The following ATF7 variants were observed in gnomAD, a reference collection of about 807,000 sequenced individuals.
ATF7 encodes activating transcription factor 7, also known as cyclic AMP-dependent transcription factor ATF-7.
Under a neutral mutation model 50.4 loss-of-function variants are expected in ATF7, and 10 were observed. The ratio of observed to expected loss-of-function variants is 0.20; its 90% CI spans 0.12 to 0.34. ATF7 has a LOEUF of 0.34. Ranked by LOEUF, ATF7 falls within the 10% of genes least tolerant of loss-of-function variation. ATF7 has a pLI of 1.00. For synonymous variants in ATF7, 201 were observed against 226.4 expected (o/e 0.89, Z 1.01); for missense variants, 465 against 613.9 (o/e 0.76, Z 2.56).
At chr12:53,520,448 C>A (rs1938050729) in intron 11 of ATF7, among the ~76,000 whole-genome samples, 1 of 152,102 alleles carries the variant, frequency 6.6e-6, no homozygotes, top group Non-Finnish European at 1.5e-5. Flanking sequence ...CATGGTGGTG[C>A]ACGCCTGTGG....
chr12:53,597,556 T>G (rs1943216597), intron 2 of ATF7, among the ~76,000 whole-genome samples: 1 of 152,162 alleles, frequency 6.6e-6, no homozygotes, highest in Non-Finnish European at 1.5e-5. Flanking sequence ...ACGCCTGTAA[T>G]CCCAGCACTT....
downstream of ATF7, chr12:53,511,929 A>C (rs964146073): frequency 2.0e-5 from 3 of 152,172 alleles, no homozygotes; most frequent in Non-Finnish European, 4.4e-5. Flanking sequence ...AGAGACAAAA[A>C]TCCCTGTTCC....
At chr12:53,598,933 C>CAA in intron 2 of ATF7, among the ~76,000 whole-genome samples, 1 of 152,134 alleles carries the variant, frequency 6.6e-6, no homozygotes, top group Admixed American at 6.5e-5. Flanking sequence ...GCCTATTTTT[C>CAA]AACTAAAAGC....
At chr12:53,562,469 G>A (rs1328357722) in intron 2 of ATF7, among the ~76,000 whole-genome samples, 2 of 151,832 alleles carry the variant, frequency 1.3e-5, no homozygotes, top group Non-Finnish European at 2.9e-5. Context: ...GTGAAACCCC[G>A]TCTCTACTTA....
chr12:53,582,201 C>T (rs571410054), intron 2 of ATF7, among the ~76,000 whole-genome samples: 217 of 151,642 alleles, frequency 1.4e-3, no homozygotes, highest in African/African-American at 4.6e-3. Flanking sequence ...TGGTGGCGCG[C>T]GCCTGTAATC....
chr12:53,606,306 T>C (rs1323750014), intron 1 of ATF7, among the ~76,000 whole-genome samples: 1 of 151,932 alleles, frequency 6.6e-6, no homozygotes, highest in Non-Finnish European at 1.5e-5. Context: ...GTGAGTGCAA[T>C]GGCATGATCT....
At chr12:53,587,820 C>CATATATATATATATATATATGTAT (rs1356352505) in intron 2 of ATF7, among the ~76,000 whole-genome samples, 15 of 67,040 alleles carry the variant, frequency 2.2e-4, no homozygotes, top group African/African-American at 6.2e-4. Flanking sequence ...TATACTTCTA[C>CATATATATATATATATATATGTAT]ATATATATAT....
intron 2 of ATF7, among the ~76,000 whole-genome samples, chr12:53,592,501 A>G (rs1178540479): frequency 1.3e-5 from 2 of 152,220 alleles, no homozygotes; most frequent in Non-Finnish European, 2.9e-5. Flanking sequence ...ACAGAAAACC[A>G]TTCTACACAT....
Position 53,524,684 on chromosome 12 carries a change from C to T in ATF7, c.1005G>A (p.Arg335=), listed in dbSNP as rs367620408. The change falls in exon 10 of 12, where the codon CGG becomes CGA. Residue 335 remains arginine (R), a synonymous_variant. Transcript: ENST00000420353. The surrounding 1 kb of genome is among the most constrained non-coding windows in gnomAD (Gnocchi z 4.6). The part of the protein sequence containing the change: ...RTVDEDPDER[R]QRFLERNRAA... ...CCCGGTTGCGCTCCAGAAAGCGCTG[C>T]CGTCGCTCATCTGGATCTTCATCTA... The T allele has an allele frequency of 2.3e-4, 366 of 1,613,498 alleles. No homozygotes were observed. Among genetic ancestry groups the T allele is most frequent in the Middle Eastern group, 4.9e-4 (3 of 6,062 alleles).
chr12:53,564,584 C>G (rs1292498398), intron 2 of ATF7, among the ~76,000 whole-genome samples: 9 of 152,128 alleles, frequency 5.9e-5, no homozygotes, highest in Non-Finnish European at 8.8e-5. Context: ...CAAACAGTGT[C>G]AAGAACTGGA....
At chr12:53,531,407 A>G (rs1387318668) in intron 9 of ATF7, among the ~76,000 whole-genome samples, 3 of 147,594 alleles carry the variant, frequency 2.0e-5, no homozygotes, top group South Asian at 2.2e-4. Context: ...AGGCAACAAG[A>G]GCGAAACTCC....
At chr12:53,609,095 C>T (rs1041135466) in intron 1 of ATF7, among the ~76,000 whole-genome samples, 7 of 151,800 alleles carry the variant, frequency 4.6e-5, no homozygotes, top group African/African-American at 1.5e-4. Flanking sequence ...GCTTGAGGTC[C>T]GGAGTTCAAG....
At chr12:53,565,398 C>T (rs1322076989) in intron 2 of ATF7, among the ~76,000 whole-genome samples, 2 of 146,356 alleles carry the variant, frequency 1.4e-5, no homozygotes, top group African/African-American at 2.5e-5. Flanking sequence ...CTGGTCATCT[C>T]AGTTTCTGCT....
chr12:53,548,185 T>C (rs1940077069), intron 3 of ATF7, among the ~76,000 whole-genome samples: 1 of 151,850 alleles, frequency 6.6e-6, no homozygotes, highest in Non-Finnish European at 1.5e-5. Flanking sequence ...ATTTTTAAAA[T>C]TTTTTGTTAA....
chr12:53,605,389 C>A (rs367987403), intron 1 of ATF7, among the ~76,000 whole-genome samples: 1,524 of 101,304 alleles, frequency 0.015, no homozygotes, highest in East Asian at 0.027. Flanking sequence ...AATTCTGTCT[C>A]AAAAAAAAAA....
intron 3 of ATF7, 59 bp downstream of exon 3, chr12:53,552,482 G>A (rs1010125190): frequency 1.5e-6 from 2 of 1,298,340 alleles, no homozygotes; most frequent in African/African-American, 1.5e-5. Flanking sequence ...TCTGGTCTCT[G>A]GTATTAATCT....
At chr12:53,532,682 C>A in intron 7 of ATF7, 59 bp from the exon 8 acceptor site, 2 of 1,263,660 alleles carry the variant, frequency 1.6e-6, no homozygotes, top group East Asian at 2.5e-5. Flanking sequence ...ATCGGTGGGG[C>A]AACAGTTTCC....
At chr12:53,618,465 G>A (rs1397356360) in intron 1 of ATF7, among the ~76,000 whole-genome samples, 2 of 152,144 alleles carry the variant, frequency 1.3e-5, no homozygotes, top group Admixed American at 1.3e-4. Flanking sequence ...AAATTAAAAT[G>A]CCAAAAGAGG....
chr12:53,526,586 G>C (rs1250606317), intron 9 of ATF7, among the ~76,000 whole-genome samples: 1 of 152,108 alleles, frequency 6.6e-6, no homozygotes. Flanking sequence ...TATTAGGATG[G>C]CTTCTGGTAA....
Sources: allele counts gnomAD v4.1 joint callset (sites outside exome capture counted in the v4.1 genomes callset), GRCh38; gene constraint gnomAD v4.1.1; non-coding constraint Gnocchi (gnomAD v3.1); transcripts MANE v1.5; gene names NCBI Gene and HGNC (gene_info 2026-07-23, HGNC 2026-07-21).